DENND6B: variants seen among roughly 807,000 people sequenced by gnomAD.
DENND6B encodes DENN domain containing 6B.
In DENND6B, 73 loss-of-function variants were observed where a neutral mutation model predicts 85.1. The observed-to-expected ratio is 0.86, with a 90% CI of 0.71 to 1.04. DENND6B has a LOEUF of 1.04. Among genes scored for constraint, DENND6B ranks in the 50% least tolerant of loss-of-function variants. The pLI, the probability that DENND6B is intolerant of heterozygous loss-of-function variation, is 0.00. For missense variants in DENND6B, 715 were observed against 785.8 expected, an observed-to-expected ratio of 0.91 and a Z score of 1.08; for synonymous variants, 357 against 329.3, an observed-to-expected ratio of 1.08 and a Z score of -0.91.
Position 50,310,175 on chromosome 22 carries a change from C to G in DENND6B, c.*1964G>C, listed in dbSNP as rs1470419889. On this transcript the variant is annotated 3_prime_UTR_variant, in exon 20 of 20. Transcript: ENST00000413817. The stretch of plus-strand genomic sequence containing the variant: ...CAAGCCCTCAGTGGGGAGGCTGGTC[C>G]CCCTGTGCTACAGTCAGGAGGCCCA... 6.6e-6 allele frequency: 1 copy of G among 152,260 alleles called. No individual in the cohort carries two copies. Among genetic ancestry groups the G allele is most frequent in the Non-Finnish European group, 1.5e-5 (1 of 68,054 alleles). The allele number at this position is 152,260 out of a possible 1,614,324, so 9.4% of individuals were successfully genotyped here. A position where few individuals can be genotyped will look rare whatever the true frequency, so the allele number is the denominator to read the frequency against.
intron 1 of DENND6B, among the ~76,000 whole-genome samples, chr22:50,324,270 G>C (rs1244789097): frequency 6.6e-6 from 1 of 152,188 alleles, no homozygotes; most frequent in African/African-American, 2.4e-5. Flanking sequence ...GAGGGCTAAG[G>C]GGGAGTCCTG....
intron 9 of DENND6B, 23 bp downstream of exon 9, chr22:50,315,691 G>A: frequency 6.4e-7 from 1 of 1,563,112 alleles, no homozygotes; most frequent in East Asian, 2.4e-5. Context: ...CAAAAGCAGT[G>A]TGCAGAACCC....
In DENND6B at chr22:50,310,714, G is replaced by A. The variant is rs1349761005; in HGVS notation, c.*1425C>T. Reference sequence around the variant, plus strand: ...AATCCTAGCACGTTGGGAGGCCGAGGCGGGCGGATTACGAGGTCAGGAGAT... The same window carrying A: ...AATCCTAGCACGTTGGGAGGCCGAGACGGGCGGATTACGAGGTCAGGAGAT... On this transcript the variant is annotated 3_prime_UTR_variant, in exon 20 of 20. Transcript: ENST00000413817. 1.3e-5 allele frequency: 2 copies of A among 152,224 alleles called. No homozygotes were observed. The highest frequency in any genetic ancestry group is 2.9e-5 in the Non-Finnish European group (2 of 68,050). The allele number at this position is 152,224 out of a possible 1,614,324, so 9.4% of individuals were successfully genotyped here. A position where few individuals can be genotyped will look rare whatever the true frequency, so the allele number is the denominator to read the frequency against.
chr22:50,323,020 CTTTTTTTTTTTTTT>C (rs386395718), intron 1 of DENND6B, among the ~76,000 whole-genome samples: 1 of 39,020 alleles, frequency 2.6e-5, no homozygotes, highest in Non-Finnish European at 4.1e-5. Context: ...CCGGCTAATG[CTTTTTTTTTTTTTT>C]TTTTTTTTTT....
At chr22:50,325,090 C>A (rs191782343) in intron 1 of DENND6B, among the ~76,000 whole-genome samples, 9 of 152,226 alleles carry the variant, frequency 5.9e-5, no homozygotes, top group Non-Finnish European at 1.3e-4. Context: ...CCCGGTGGAT[C>A]CACTGCCAGG....
intron 1 of DENND6B, among the ~76,000 whole-genome samples, chr22:50,324,098 T>A (rs1320054149): frequency 6.6e-6 from 1 of 152,052 alleles, no homozygotes; most frequent in Non-Finnish European, 1.5e-5. Flanking sequence ...ACCTGTACAC[T>A]CCAGTCACCC....
chr22:50,316,185 CGCCCATGACA>C lies in DENND6B; in HGVS notation c.618_627del (p.Val207LeufsTer50). The C allele has an allele frequency of 1.2e-6, 2 of 1,612,344 alleles. No individual in the cohort carries two copies. Among genetic ancestry groups the C allele is most frequent in the Admixed American group, 1.7e-5 (1 of 60,006 alleles). ...CAGCTGGCTCTCACCTGGACAACAA[CGCCCATGACA>C]GGTAGGTTCAGGGTCTGCCCAGGTG... On this transcript the variant is annotated frameshift_variant, in exon 7 of 20. Coordinates refer to ENST00000413817, the MANE Select transcript of DENND6B (RefSeq NM_001001794.4). LOFTEE classifies it high-confidence loss of function.
chr22:50,310,550 C>G lies in DENND6B; in HGVS notation c.*1589G>C, dbSNP rs557891987. 1 of 152,388 alleles carries G rather than the reference C, an allele frequency of 6.6e-6. No homozygotes were observed. Among genetic ancestry groups the G allele is most frequent in the East Asian group, 1.9e-4 (1 of 5,192 alleles). 9.4% of individuals were successfully genotyped at this position (152,388 alleles called of 1,614,324 possible). On this transcript the variant is annotated 3_prime_UTR_variant, in exon 20 of 20. Transcript: ENST00000413817. ...AGTGGCTGGCAGTGCTCGCTCTCCA[C>G]CACCTGGCTGGAGGTCTGAGAGCAC...
intron 5 of DENND6B, chr22:50,316,693 G>A: frequency 2.0e-6 from 3 of 1,481,548 alleles, no homozygotes; most frequent in Non-Finnish European, 2.7e-6. Context: ...GTGGCGGCCG[G>A]TGGGGCTGGA....
At chr22:50,322,857 T>C (rs1477559002) in intron 1 of DENND6B, among the ~76,000 whole-genome samples, 1 of 151,046 alleles carries the variant, frequency 6.6e-6, no homozygotes, top group Non-Finnish European at 1.5e-5. Flanking sequence ...GCCTTATTTT[T>C]TTTTTTTTCT....
intron 1 of DENND6B, among the ~76,000 whole-genome samples, chr22:50,321,797 G>GT (rs2042052844): frequency 6.6e-6 from 1 of 152,174 alleles, no homozygotes; most frequent in Non-Finnish European, 1.5e-5. Context: ...CTCCTGAGTA[G>GT]CTGGGACTAC....
chr22:50,314,147 G>A (rs111779373), intron 13 of DENND6B, 60 bp downstream of exon 13: 24 of 1,532,630 alleles, frequency 1.6e-5, no homozygotes, highest in East Asian at 2.3e-5. Context: ...CGAGAGACCC[G>A]CCAGGTACAA....
Position 50,315,360 on chromosome 22 carries a change from G to T in DENND6B, c.758+354C>A, listed in dbSNP as rs979725898. On this transcript the variant is annotated intron_variant, in intron 9 of 19. Coordinates refer to ENST00000413817, the MANE Select transcript of DENND6B (RefSeq NM_001001794.4). ...AGACTTGTCCAGAGGCAGAGAAGGC[G>T]GCCTCAGGCAGTGAATCTCTCCTGA... Among the ~76,000 whole-genome samples, 4 of 152,192 alleles carry T rather than the reference G, an allele frequency of 2.6e-5. No homozygotes were observed. The East Asian group carries it at 7.7e-4, about 29-fold the overall frequency.
At position 50,317,584 on chromosome 22, in the gene DENND6B, C is replaced by A. The variant is rs552646210; in HGVS notation, c.373-211G>T. The stretch of plus-strand genomic sequence containing the variant: ...AAGGTGGGCAACACCCCTGCTGATA[C>A]AGCAGGGAGTCCGCTGGTGTAGTGG... On this transcript the variant is annotated intron_variant, in intron 4 of 19. Coordinates refer to ENST00000413817, the MANE Select transcript of DENND6B (RefSeq NM_001001794.4). Among the ~76,000 whole-genome samples, 308 of 152,238 alleles carry A rather than the reference C, an allele frequency of 2.0e-3. 3 individuals carry two copies. Among genetic ancestry groups the A allele is most frequent in the African/African-American group, 6.6e-3 (276 of 41,552 alleles).
chr22:50,314,760 G>A (rs1303736287), intron 10 of DENND6B, 39 bp downstream of exon 10: 19 of 1,582,356 alleles, frequency 1.2e-5, no homozygotes, highest in Non-Finnish European at 1.5e-5. Flanking sequence ...CAGCCGCGAT[G>A]GTCCAGCTTC....
Position 50,313,463 on chromosome 22 carries a change from T to C in DENND6B, c.1330A>G (p.Ser444Gly). Residue 444 changes from serine (S) to glycine (G), a missense_variant, in exon 16 of 20, where the codon AGC (serine) becomes GGC (glycine). Transcript: ENST00000413817. ...ACCCCCACCTTCCAGGGCGTGATGC[T>C]CTTCTGCAGGGGCATGAGGCTGGCC... The part of the protein sequence containing the change: ...YMASLMPLQK[S>G]ITPWKTPPQI... 1.3e-6 allele frequency: 2 copies of C among 1,546,418 alleles called. No homozygotes were observed. The highest frequency in any genetic ancestry group is 1.7e-6 in the Non-Finnish European group (2 of 1,146,964).
chr22:50,314,186 C>A, intron 13 of DENND6B, 21 bp downstream of exon 13: 1 of 1,593,058 alleles, frequency 6.3e-7, no homozygotes. Context: ...GGAGGGGCTC[C>A]AGGTCGAGGG....
intron 1 of DENND6B, 65 bp downstream of exon 1, chr22:50,326,747 G>A (rs138111542): frequency 0.016 from 20,023 of 1,281,396 alleles, 208 homozygotes; most frequent in Non-Finnish European, 0.017. Context: ...CCCAAGCGAG[G>A]CGGGACTGGC....
intron 1 of DENND6B, among the ~76,000 whole-genome samples, chr22:50,324,242 G>C (rs757612173): frequency 1.3e-5 from 2 of 152,194 alleles, no homozygotes; most frequent in Non-Finnish European, 2.9e-5. Context: ...CATGCGTACA[G>C]TTGCGGGGGT....
Sources: allele counts gnomAD v4.1 joint callset (sites outside exome capture counted in the v4.1 genomes callset), GRCh38; gene constraint gnomAD v4.1.1; transcripts MANE v1.5; gene names NCBI Gene and HGNC (gene_info 2026-07-23, HGNC 2026-07-21).